Variants in PPP2R2B observed in about 807,000 individuals in gnomAD.
The protein encoded by PPP2R2B is serine/threonine-protein phosphatase 2A 55 kDa regulatory subunit B beta isoform.
PPP2R2B carries 5 observed loss-of-function variants against 46.0 expected under a neutral mutation model. The ratio of observed to expected loss-of-function variants is 0.11; its 90% CI spans 0.06 to 0.23. The LOEUF is 0.23. PPP2R2B is among the 10% of genes least tolerant of loss of function. The pLI is 1.00. For synonymous variants in PPP2R2B, 215 were observed against 206.7 expected (o/e 1.04, Z -0.34); for missense variants, 367 against 575.0 (o/e 0.64, Z 3.70).
intron 1 of PPP2R2B, among the ~76,000 whole-genome samples, chr5:146,893,155 C>T (rs1762540920): frequency 6.6e-6 from 1 of 152,184 alleles, no homozygotes; most frequent in African/African-American, 2.4e-5. Flanking sequence ...AGACCCAGCT[C>T]ACTTGCTCTG....
At chr5:146,815,203 T>G (rs1335306569) in intron 2 of PPP2R2B, among the ~76,000 whole-genome samples, 1 of 152,206 alleles carries the variant, frequency 6.6e-6, no homozygotes, top group African/African-American at 2.4e-5. Context: ...ATTCTCTTCC[T>G]TGTGAACTGG....
intron 2 of PPP2R2B, among the ~76,000 whole-genome samples, chr5:146,780,169 C>T (rs920374896): frequency 1.3e-5 from 2 of 152,102 alleles, no homozygotes; most frequent in Non-Finnish European, 2.9e-5. Context: ...GTGGTAGAAA[C>T]AAACAAACAA....
intron 2 of PPP2R2B, among the ~76,000 whole-genome samples, chr5:146,751,733 CAG>C (rs1753567422): frequency 6.6e-6 from 1 of 152,108 alleles, no homozygotes; most frequent in Non-Finnish European, 1.5e-5. Flanking sequence ...AAATATTAAA[CAG>C]AGTTAAGTCA....
chr5:146,816,410 T>C (rs532451703), intron 2 of PPP2R2B, among the ~76,000 whole-genome samples: 1 of 152,232 alleles, frequency 6.6e-6, no homozygotes, highest in East Asian at 1.9e-4. Context: ...AAAACAACAA[T>C]ACTGAAACAT....
chr5:146,712,168 G>C (rs748049054), intron 2 of PPP2R2B, among the ~76,000 whole-genome samples: 2 of 152,132 alleles, frequency 1.3e-5, no homozygotes, highest in Non-Finnish European at 2.9e-5. Context: ...TTTTTCAAGG[G>C]TCTTAGCAAA....
rs10583721 is a variant in PPP2R2B, at chr5:146,807,776, C to CTTTTTTTTTTTTTTTTTT, written c.70+70208_70+70225dup. On this transcript the variant is annotated intron_variant, in intron 2 of 9. Coordinates refer to ENST00000394411, the MANE Select transcript of PPP2R2B (RefSeq NM_181675.4). Reference sequence around the variant, plus strand: ...TTGGTTAAACCTCCTGGGGTGCCTTCTTTTTTTTTTTTTTTTTTTTTTTTT... The same window carrying CTTTTTTTTTTTTTTTTTT: ...TTGGTTAAACCTCCTGGGGTGCCTTCTTTTTTTTTTTTTTTTTTTTTTTTTTTTTTTTTTTTTTTTTTT... 2.7e-4 allele frequency among the ~76,000 whole-genome samples: 10 copies of CTTTTTTTTTTTTTTTTTT among 36,928 alleles called. 3 individuals are homozygous for CTTTTTTTTTTTTTTTTTT. The highest frequency in any genetic ancestry group is 4.4e-4 in the Non-Finnish European group (8 of 18,068). The allele number at this position is 36,928 out of a possible 152,430, so 24.2% of individuals were successfully genotyped here.
chr5:146,773,289 C>T (rs1019833423), intron 2 of PPP2R2B, among the ~76,000 whole-genome samples: 1 of 152,214 alleles, frequency 6.6e-6, no homozygotes, highest in Non-Finnish European at 1.5e-5. Context: ...TCCGTTTGGA[C>T]CTTCCATGAT....
At chr5:147,008,822 T>C (rs1282985094) in intron 1 of PPP2R2B, among the ~76,000 whole-genome samples, 2 of 152,194 alleles carry the variant, frequency 1.3e-5, no homozygotes, top group East Asian at 1.9e-4. Flanking sequence ...TTCTGTTTTG[T>C]TGATTGTCAA....
At position 146,759,515 on chromosome 5, in the gene PPP2R2B, AC is replaced by A. The variant is rs1018705866; in HGVS notation, c.71-58374del. ...TTCTGATTGTTCTGTCCCCACCTTCACCCCCACCTCCCCTGTGGGCTTAAGA... is the reference window on the plus strand; with the variant it reads ...TTCTGATTGTTCTGTCCCCACCTTCACCCCACCTCCCCTGTGGGCTTAAGA... On this transcript the variant is annotated intron_variant, in intron 2 of 9. Coordinates refer to ENST00000394411, the MANE Select transcript of PPP2R2B (RefSeq NM_181675.4). Among the ~76,000 whole-genome samples, 26 of 151,788 alleles carry A rather than the reference AC, an allele frequency of 1.7e-4. 1 individual carries two copies. Among genetic ancestry groups the A allele is most frequent in the African/African-American group, 6.3e-4 (26 of 41,358 alleles).
chr5:146,859,396 A>C (rs990476712), intron 2 of PPP2R2B, among the ~76,000 whole-genome samples: 1 of 152,234 alleles, frequency 6.6e-6, no homozygotes, highest in African/African-American at 2.4e-5. Flanking sequence ...TTGAAGAACT[A>C]ATTTAAAAGC....
At chr5:146,816,082 T>C (rs1031694753) in intron 2 of PPP2R2B, among the ~76,000 whole-genome samples, 6 of 152,132 alleles carry the variant, frequency 3.9e-5, no homozygotes, top group South Asian at 2.1e-4. Flanking sequence ...ACTATATCAA[T>C]ATTCCCCTCC....
At position 146,989,392 on chromosome 5, in the gene PPP2R2B, C is replaced by T. The variant is rs141400658; in HGVS notation, c.79+66273G>A. On this transcript the variant is annotated intron_variant, in intron 1 of 8. Transcript: ENST00000336640. ...TAATTCAACAACACATTAGAAAGAT[C>T]ATTTATTATGATCAAATAGGATTCA... is the stretch of plus-strand genomic sequence containing the variant. Among the ~76,000 whole-genome samples the T allele has an allele frequency of 7.4e-3, 1,120 of 152,094 alleles. 11 individuals are homozygous for T. Among genetic ancestry groups the T allele is most frequent in the African/African-American group, 0.023 (968 of 41,532 alleles).
At chr5:147,025,370 C>T (rs916760256) in intron 1 of PPP2R2B, among the ~76,000 whole-genome samples, 4 of 151,628 alleles carry the variant, frequency 2.6e-5, no homozygotes, top group East Asian at 1.9e-4. Flanking sequence ...TATGTAAACT[C>T]GCTCAAAAAA....
intron 1 of PPP2R2B, among the ~76,000 whole-genome samples, chr5:147,022,307 C>T (rs560003159): frequency 6.6e-6 from 1 of 151,838 alleles, no homozygotes; most frequent in East Asian, 1.9e-4. Context: ...CCTGTAATCC[C>T]AGCACTTGTG....
chr5:146,679,968 A>AT (rs1406511435), intron 5 of PPP2R2B, among the ~76,000 whole-genome samples: 1 of 125,524 alleles, frequency 8.0e-6, no homozygotes, highest in Non-Finnish European at 1.7e-5. Flanking sequence ...TAGTTCAACC[A>AT]TTGTGGAAGT....
At position 146,934,583 on chromosome 5, in the gene PPP2R2B, G is replaced by GAA. The variant is rs3062352; in HGVS notation, c.79+121080_79+121081dup. Among the ~76,000 whole-genome samples the GAA allele has an allele frequency of 1.1e-3, 34 of 31,498 alleles. 4 individuals carry two copies. Among genetic ancestry groups the GAA allele is most frequent in the African/African-American group, 3.1e-3 (28 of 8,970 alleles). The allele number at this position is 31,498 out of a possible 152,430, so 20.7% of individuals were successfully genotyped here. On this transcript the variant is annotated intron_variant, in intron 1 of 8. Coordinates refer to the PPP2R2B transcript ENST00000336640. ...AGTTAGAAGAGGTAGTTTTTCATAA[G>GAA]AAAAAAAAAAAAAAAAAAAAAAAAA...
intron 1 of PPP2R2B, among the ~76,000 whole-genome samples, chr5:147,050,008 G>A (rs569720017): frequency 2.0e-5 from 3 of 152,274 alleles, no homozygotes; most frequent in South Asian, 2.1e-4. Context: ...ACTGCAAAAC[G>A]TGATCCTGTA....
intron 2 of PPP2R2B, among the ~76,000 whole-genome samples, chr5:146,876,232 G>T (rs1360203162): frequency 6.6e-6 from 1 of 151,994 alleles, no homozygotes; most frequent in African/African-American, 2.4e-5. Flanking sequence ...TTTCAAAAAT[G>T]GAATAAAAAT....
At chr5:146,871,767 A>G (rs1281339180) in intron 2 of PPP2R2B, among the ~76,000 whole-genome samples, 4 of 152,238 alleles carry the variant, frequency 2.6e-5, no homozygotes, top group African/African-American at 9.6e-5. Context: ...CCAAGAATCC[A>G]CACAGTCATG....
Sources: allele counts gnomAD v4.1 joint callset (sites outside exome capture counted in the v4.1 genomes callset), GRCh38; gene constraint gnomAD v4.1.1; transcripts MANE v1.5; gene names NCBI Gene and HGNC (gene_info 2026-07-23, HGNC 2026-07-21).